Variants in BCL2L13 observed in about 807,000 individuals in gnomAD.
BCL2L13 encodes bcl-2-like protein 13.
In BCL2L13, 13 loss-of-function variants were observed where a neutral mutation model predicts 25.8. That is an observed-to-expected ratio of 0.50 (90% CI 0.33 to 0.80). The LOEUF is 0.80. Ranked by LOEUF, BCL2L13 falls within the 30% of genes least tolerant of loss-of-function variation. The probability of loss-of-function intolerance (pLI) is 0.02; values close to 1 mark genes in which losing one functional copy is unlikely to be tolerated. For missense variants in BCL2L13, 504 were observed against 574.9 expected, an observed-to-expected ratio of 0.88 and a Z score of 1.26; for synonymous variants, 244 against 230.3, an observed-to-expected ratio of 1.06 and a Z score of -0.54.
chr22:17,703,867 A>C (rs1281096322), intron 6 of BCL2L13: 1 of 152,210 alleles, frequency 6.6e-6, no homozygotes, highest in African/African-American at 2.4e-5. Context: ...GCCAGGAGAC[A>C]TCCCAGGTTA....
At chr22:17,689,213 G>GT (rs2060033367) in intron 4 of BCL2L13, 71 bp downstream of exon 4, 19 of 1,412,940 alleles carry the variant, frequency 1.3e-5, no homozygotes, top group Admixed American at 1.3e-4. Flanking sequence ...CACTGGATTG[G>GT]TTAGGGCTGT....
intron 6 of BCL2L13, among the ~76,000 whole-genome samples, chr22:17,723,155 T>C (rs1180083076): frequency 6.6e-6 from 1 of 152,078 alleles, no homozygotes; most frequent in Non-Finnish European, 1.5e-5. Flanking sequence ...CCTGTGTCTC[T>C]CTCTATCTGT....
chr22:17,646,335 C>T (rs1231068953), intron 1 of BCL2L13, among the ~76,000 whole-genome samples: 1 of 151,492 alleles, frequency 6.6e-6, no homozygotes, highest in Non-Finnish European at 1.5e-5. Context: ...CAACCTCCAC[C>T]TCCTGGGTTC....
upstream of BCL2L13, chr22:17,638,559 C>G (rs2058151777): frequency 1.4e-6 from 1 of 703,102 alleles, no homozygotes. Flanking sequence ...CGGAAATGAT[C>G]TGAGAGACGG....
At chr22:17,645,962 A>G (rs1051148459) in intron 1 of BCL2L13, among the ~76,000 whole-genome samples, 5 of 151,564 alleles carry the variant, frequency 3.3e-5, no homozygotes, top group East Asian at 1.9e-4. Flanking sequence ...TGGCATTTAC[A>G]TTGTCTTAGG....
chr22:17,706,177 C>T (rs1360462730), intron 6 of BCL2L13, among the ~76,000 whole-genome samples: 2 of 152,014 alleles, frequency 1.3e-5, no homozygotes, highest in African/African-American at 4.8e-5. Flanking sequence ...CACTACCACA[C>T]TTGGCTTATT....
intron 6 of BCL2L13, among the ~76,000 whole-genome samples, chr22:17,723,672 C>T (rs1044433513): frequency 1.3e-5 from 2 of 152,164 alleles, no homozygotes; most frequent in African/African-American, 2.4e-5. Context: ...CGGTGTCTCA[C>T]GCCTGTAATC....
intron 1 of BCL2L13, among the ~76,000 whole-genome samples, chr22:17,652,530 C>T (rs1453294667): frequency 6.6e-6 from 1 of 151,536 alleles, no homozygotes; most frequent in Non-Finnish European, 1.5e-5. Context: ...CCTCTTCCTC[C>T]TGGGTTCAAG....
chr22:17,721,525 A>T (rs1020463597), intron 6 of BCL2L13, among the ~76,000 whole-genome samples: 7 of 122,770 alleles, frequency 5.7e-5, no homozygotes, highest in East Asian at 4.6e-4. Flanking sequence ...CTTATAAGAA[A>T]TTTTTTTTTT....
intron 1 of BCL2L13, among the ~76,000 whole-genome samples, chr22:17,641,798 GTTTTTTTTTTT>G (rs35688861): frequency 7.5e-6 from 1 of 133,696 alleles, no homozygotes; most frequent in East Asian, 2.2e-4. Context: ...CATAATATGT[GTTTTTTTTTTT>G]TTTTTTTTGA....
At chr22:17,687,039 C>A (rs1306784203) in intron 3 of BCL2L13, among the ~76,000 whole-genome samples, 2 of 151,910 alleles carry the variant, frequency 1.3e-5, no homozygotes, top group East Asian at 3.9e-4. Flanking sequence ...AACTTTGCAG[C>A]CATTTGCATC....
At chr22:17,647,298 C>T (rs748953061) in intron 1 of BCL2L13, among the ~76,000 whole-genome samples, 7 of 151,804 alleles carry the variant, frequency 4.6e-5, no homozygotes, top group Non-Finnish European at 7.4e-5. Context: ...TTAGTGGAGA[C>T]GGGGTTTCAC....
intron 2 of BCL2L13, among the ~76,000 whole-genome samples, chr22:17,676,515 C>A (rs2059580264): frequency 6.6e-6 from 1 of 152,074 alleles, no homozygotes; most frequent in African/African-American, 2.4e-5. Context: ...ATTTTCCTTG[C>A]CCAAGTGAAG....
intron 1 of BCL2L13, among the ~76,000 whole-genome samples, chr22:17,652,586 A>G (rs1171120072): frequency 2.0e-5 from 3 of 151,938 alleles, no homozygotes; most frequent in East Asian, 1.9e-4. Flanking sequence ...CTACAGGTGC[A>G]TGTCACCATG....
intron 6 of BCL2L13, among the ~76,000 whole-genome samples, chr22:17,710,563 G>A (rs558724858): frequency 6.6e-6 from 1 of 151,900 alleles, no homozygotes; most frequent in East Asian, 1.9e-4. Context: ...CTGGGTGACA[G>A]AGCAAGACTC....
At position 17,727,087 on chromosome 22, in the gene BCL2L13, A is replaced by G; in HGVS notation, c.1011A>G (p.Ala337=). 1 of 1,614,230 alleles carries G rather than the reference A, an allele frequency of 6.2e-7. No homozygotes were observed. Among genetic ancestry groups the G allele is most frequent in the Non-Finnish European group, 8.5e-7 (1 of 1,180,044 alleles). The change falls in exon 7 of 7, where the codon GCA becomes GCG. Residue 337 remains alanine, a synonymous_variant. Coordinates refer to ENST00000317582, the MANE Select transcript of BCL2L13 (RefSeq NM_015367.4). ...TGCCAGCGCGGGAGCTGCAAGAGGC[A>G]CTTCCTGAAGCCCCAGCTCCCTTGC... ...VVLPARELQE[A]LPEAPAPLLP... is the part of the protein sequence containing the mutation.
chr22:17,656,844 A>C (rs2058886745), intron 2 of BCL2L13, among the ~76,000 whole-genome samples: 1 of 151,946 alleles, frequency 6.6e-6, no homozygotes, highest in African/African-American at 2.4e-5. Flanking sequence ...TTTGAGATGG[A>C]GTCTCACTCT....
chr22:17,681,071 C>G (rs1049425236), intron 2 of BCL2L13, among the ~76,000 whole-genome samples: 5 of 152,074 alleles, frequency 3.3e-5, no homozygotes, highest in African/African-American at 4.8e-5. Flanking sequence ...TCTCCTGGAG[C>G]CTTTTAGTGG....
chr22:17,681,498 GAAAA>G lies in BCL2L13; in HGVS notation c.122-1706_122-1703del, dbSNP rs58442419. Among the ~76,000 whole-genome samples the G allele has an allele frequency of 5.5e-3, 747 of 135,216 alleles. 4 individuals are homozygous for G. The highest frequency in any genetic ancestry group is 0.019 in the African/African-American group (714 of 37,118). The allele number at this position is 135,216 out of a possible 152,430, so 88.7% of individuals were successfully genotyped here. On this transcript the variant is annotated intron_variant, in intron 2 of 6. Coordinates refer to ENST00000317582, the MANE Select transcript of BCL2L13 (RefSeq NM_015367.4). ...TGGGGGACAGAGCGAGACTCCGTCT[GAAAA>G]AAAAAAAAAGGAAAATTAGATGGTA... is the stretch of plus-strand genomic sequence containing the variant.
Sources: allele counts gnomAD v4.1 joint callset (sites outside exome capture counted in the v4.1 genomes callset), GRCh38; gene constraint gnomAD v4.1.1; transcripts MANE v1.5; gene names NCBI Gene and HGNC (gene_info 2026-07-23, HGNC 2026-07-21).